The following RFX3 variants were observed in gnomAD, a reference collection of about 807,000 sequenced individuals.
RFX3 encodes transcription factor RFX3.
RFX3 carries 14 observed loss-of-function variants against 98.6 expected under a neutral mutation model. The observed-to-expected ratio is 0.14, with a 90% confidence interval of 0.09 to 0.22. RFX3 has a LOEUF of 0.22. Among genes scored for constraint, RFX3 ranks in the 10% least tolerant of loss-of-function variants. The probability of loss-of-function intolerance (pLI) is 1.00; values close to 1 mark genes in which losing one functional copy is unlikely to be tolerated. For synonymous variants in RFX3, 383 were observed against 328.4 expected (o/e 1.17, Z -1.80); for missense variants, 639 against 926.9 (o/e 0.69, Z 4.03).
chr9:3,499,985 G>A (rs1390824811), intron 1 of RFX3, among the ~76,000 whole-genome samples: 2 of 152,052 alleles, frequency 1.3e-5, no homozygotes, highest in African/African-American at 4.8e-5. Context: ...TTTTTAAAGA[G>A]CCAGTTATCT....
At chr9:3,336,814 G>GACT (rs535663124) in intron 3 of RFX3, among the ~76,000 whole-genome samples, 16 of 152,048 alleles carry the variant, frequency 1.1e-4, no homozygotes, top group Non-Finnish European at 1.6e-4. Flanking sequence ...AAAGAGACTA[G>GACT]ACTAGACTAG....
chr9:3,395,681 C>G, intron 1 of RFX3, 85 bp from the exon 2 acceptor site: 1 of 1,408,254 alleles, frequency 7.1e-7, no homozygotes. Context: ...AAATCCTATA[C>G]TGAAACTAAC....
chr9:3,459,684 T>C (rs1398361501), intron 1 of RFX3, among the ~76,000 whole-genome samples: 1 of 152,152 alleles, frequency 6.6e-6, no homozygotes, highest in Non-Finnish European at 1.5e-5. Context: ...TCCCTTTTTG[T>C]TCTGTGCTTC....
At chr9:3,400,101 T>A in intron 1 of RFX3, 1 of 210,386 alleles carries the variant, frequency 4.8e-6, no homozygotes, top group Non-Finnish European at 8.2e-6. Context: ...TCAATAGATG[T>A]ATCACTAGAT....
chr9:3,356,061 T>C (rs887683044), intron 2 of RFX3, among the ~76,000 whole-genome samples: 1 of 124,292 alleles, frequency 8.0e-6, no homozygotes, highest in Non-Finnish European at 1.5e-5. Context: ...TTTATAACTT[T>C]AAATATATAT....
chr9:3,400,128 C>G (rs956582199), intron 1 of RFX3: 26 of 375,362 alleles, frequency 6.9e-5, no homozygotes, highest in Non-Finnish European at 9.5e-5. Context: ...TATGATTTTC[C>G]TTATTTTAAA....
At chr9:3,499,238 G>C (rs757856754) in intron 1 of RFX3, among the ~76,000 whole-genome samples, 1 of 151,954 alleles carries the variant, frequency 6.6e-6, no homozygotes, top group Non-Finnish European at 1.5e-5. Context: ...AGGGAAAAAA[G>C]CAGCACTAAG....
At chr9:3,501,702 C>A (rs915893928) in intron 1 of RFX3, among the ~76,000 whole-genome samples, 2 of 151,346 alleles carry the variant, frequency 1.3e-5, no homozygotes, top group African/African-American at 2.4e-5. Context: ...GATTACAAGG[C>A]ATGTATCACC....
chr9:3,501,893 T>C (rs1328602881), intron 1 of RFX3, among the ~76,000 whole-genome samples: 1 of 151,954 alleles, frequency 6.6e-6, no homozygotes, highest in African/African-American at 2.4e-5. Flanking sequence ...ATTACAGGAA[T>C]GTGATACTGA....
intron 3 of RFX3, among the ~76,000 whole-genome samples, chr9:3,337,277 G>A (rs1381897619): frequency 2.0e-5 from 3 of 152,212 alleles, no homozygotes; most frequent in African/African-American, 7.2e-5. Context: ...CTTGCTCAGT[G>A]TAGTGAGGGC....
At chr9:3,415,579 T>G (rs1353904529) in intron 1 of RFX3, among the ~76,000 whole-genome samples, 1 of 152,160 alleles carries the variant, frequency 6.6e-6, no homozygotes, top group African/African-American at 2.4e-5. Flanking sequence ...TTAACTTCCT[T>G]GGCTATCTCT....
chr9:3,284,217 G>GA (rs1228079823), intron 7 of RFX3, among the ~76,000 whole-genome samples: 2 of 151,622 alleles, frequency 1.3e-5, no homozygotes, highest in East Asian at 3.9e-4. Context: ...CTGGAATTTG[G>GA]AAAAATATCT....
intron 1 of RFX3, among the ~76,000 whole-genome samples, chr9:3,481,440 C>A (rs761787769): frequency 1.3e-5 from 2 of 151,860 alleles, no homozygotes; most frequent in Non-Finnish European, 2.9e-5. Flanking sequence ...AACAATTTAA[C>A]CTTCCACATC....
At chr9:3,259,264 T>G (rs1822551110) in intron 13 of RFX3, among the ~76,000 whole-genome samples, 2 of 152,056 alleles carry the variant, frequency 1.3e-5, no homozygotes, top group Non-Finnish European at 2.9e-5. Context: ...ACTCACTATT[T>G]ACTTGGCAGT....
Position 3,503,935 on chromosome 9 carries a change from C to A in RFX3, c.-9+21812G>T, listed in dbSNP as rs746122814. On this transcript the variant is annotated intron_variant, in intron 1 of 16. Transcript: ENST00000617270. ...TCTGGCTAACTCTAATTTCTATTTG[C>A]CTATTATTGTAATTTTTACTTTTAA... Among the ~76,000 whole-genome samples, 4 of 151,512 alleles carry A rather than the reference C, an allele frequency of 2.6e-5. No homozygotes were observed. The East Asian group carries it at 7.7e-4, about 29-fold the overall frequency.
chr9:3,502,113 G>C (rs975576068), intron 1 of RFX3, among the ~76,000 whole-genome samples: 1 of 151,306 alleles, frequency 6.6e-6, no homozygotes, highest in African/African-American at 2.4e-5. Flanking sequence ...CAAAAAATTA[G>C]CCGGGCGTAG....
At chr9:3,294,724 T>A (rs1827793423) in intron 5 of RFX3, among the ~76,000 whole-genome samples, 1 of 152,172 alleles carries the variant, frequency 6.6e-6, no homozygotes, top group African/African-American at 2.4e-5. Context: ...GTAATTAAAC[T>A]TATGTCATTA....
At chr9:3,460,185 A>G (rs1358865826) in intron 1 of RFX3, among the ~76,000 whole-genome samples, 1 of 152,066 alleles carries the variant, frequency 6.6e-6, no homozygotes, top group Non-Finnish European at 1.5e-5. Context: ...GGAATGTGAC[A>G]AATTGGATGA....
At chr9:3,438,274 C>T (rs1018952274) in intron 1 of RFX3, among the ~76,000 whole-genome samples, 5 of 152,020 alleles carry the variant, frequency 3.3e-5, no homozygotes, top group Non-Finnish European at 4.4e-5. Flanking sequence ...TTAGAACTGA[C>T]GAAATGACCT....
Sources: allele counts gnomAD v4.1 joint callset (sites outside exome capture counted in the v4.1 genomes callset), GRCh38; gene constraint gnomAD v4.1.1; transcripts MANE v1.5; gene names NCBI Gene and HGNC (gene_info 2026-07-23, HGNC 2026-07-21).